The following CLCN6 variants were observed in gnomAD, a reference collection of about 807,000 sequenced individuals.
The protein encoded by CLCN6 is H(+)/Cl(-) exchange transporter 6.
A neutral mutation model predicts 109.8 loss-of-function variants in CLCN6; 70 were observed. The observed-to-expected ratio is 0.64, with a 90% CI of 0.53 to 0.78. CLCN6 has a LOEUF of 0.78. Among genes scored for constraint, CLCN6 ranks in the 30% least tolerant of loss-of-function variants. The probability of loss-of-function intolerance (pLI) is 0.00; values close to 1 mark genes in which losing one functional copy is unlikely to be tolerated. For missense variants in CLCN6, 984 were observed against 1,142.3 expected (o/e 0.86, Z 2.00); for synonymous variants, 444 against 447.8 (o/e 0.99, Z 0.11).
At position 11,808,652 on chromosome 1, in the gene CLCN6, T is replaced by C. The variant is rs187256900; in HGVS notation, c.147+1462T>C. Among the ~76,000 whole-genome samples, 386 of 151,448 alleles carry C rather than the reference T, an allele frequency of 2.5e-3. 3 individuals carry two copies. Among genetic ancestry groups the C allele is most frequent in the African/African-American group, 8.4e-3 (349 of 41,362 alleles). ...TTATTTGTTTGATAAATCTGTTAAATCTCTTTTAATCTGTAGCTTCTTCCT... is the reference window on the plus strand; with the variant it reads ...TTATTTGTTTGATAAATCTGTTAAACCTCTTTTAATCTGTAGCTTCTTCCT... On this transcript the variant is annotated intron_variant, in intron 2 of 22. Transcript: ENST00000346436.
At chr1:11,824,792 C>T (rs944112645) in intron 8 of CLCN6, among the ~76,000 whole-genome samples, 2 of 152,134 alleles carry the variant, frequency 1.3e-5, no homozygotes, top group South Asian at 2.1e-4. Context: ...TGTGACGTGG[C>T]GGATGAAAGT....
chr1:11,838,257 A>G (rs1570543658), intron 20 of CLCN6, 78 bp from the exon 21 acceptor site: 3 of 1,307,478 alleles, frequency 2.3e-6, no homozygotes, highest in East Asian at 2.4e-5. Flanking sequence ...ATATTCAGGC[A>G]TCAAGGGGAG....
intron 5 of CLCN6, among the ~76,000 whole-genome samples, chr1:11,821,356 A>G (rs571156144): frequency 2.6e-5 from 4 of 152,256 alleles, no homozygotes; most frequent in African/African-American, 9.6e-5. Context: ...TCAGGAGTTC[A>G]AGACCAGCCT....
At position 11,826,368 on chromosome 1, in the gene CLCN6, A is replaced by G. The variant is rs528845169; in HGVS notation, c.707+154A>G. The G allele has an allele frequency of 1.8e-4, 114 of 650,454 alleles. No individual in the cohort carries two copies. In the African/African-American group the frequency reaches 2.0e-3, roughly 11 times the overall value. 40.3% of individuals were successfully genotyped at this position (650,454 alleles called of 1,614,324 possible). A position where few individuals can be genotyped will look rare whatever the true frequency, so the allele number is the denominator to read the frequency against. On this transcript the variant is annotated intron_variant, in intron 9 of 22. Coordinates refer to ENST00000346436, the MANE Select transcript of CLCN6 (RefSeq NM_001286.5). The stretch of plus-strand genomic sequence containing the variant: ...GCTTTGAACTTTTCTTCTGGAAATA[A>G]GAAGCCAAAGCACCAGGCTGGCATC...
chr1:11,839,842 C>T (rs762275945), intron 22 of CLCN6, among the ~76,000 whole-genome samples: 35 of 152,196 alleles, frequency 2.3e-4, no homozygotes, highest in Admixed American at 1.4e-3. Context: ...AGGGCCCCAC[C>T]GCTTGCACAT....
intron 8 of CLCN6, 121 bp downstream of exon 8, chr1:11,824,674 A>C: frequency 3.1e-6 from 2 of 650,602 alleles, no homozygotes. Flanking sequence ...TTCTGGCTTC[A>C]CGTGTAAACC....
Position 11,822,688 on chromosome 1 carries a change from T to A in CLCN6, c.347-7T>A. 6.3e-7 allele frequency: 1 copy of A among 1,596,552 alleles called. No homozygotes were observed. On this transcript the variant is annotated splice_polypyrimidine_tract_variant and splice_region_variant and intron_variant, in intron 5 of 22. Coordinates refer to ENST00000346436, the MANE Select transcript of CLCN6 (RefSeq NM_001286.5). The stretch of plus-strand genomic sequence containing the variant: ...ATGAACAAGTTTCCTTAACCCAGTT[T>A]CCGCAGCGGTGGAGGAGTGCAGCCA...
chr1:11,822,218 A>T (rs1460673723), intron 5 of CLCN6, among the ~76,000 whole-genome samples: 1 of 152,042 alleles, frequency 6.6e-6, no homozygotes, highest in African/African-American at 2.4e-5. Context: ...TACTTTTTGT[A>T]ATGTTTGAAG....
At chr1:11,825,271 C>T (rs932637110) in intron 8 of CLCN6, among the ~76,000 whole-genome samples, 14 of 152,206 alleles carry the variant, frequency 9.2e-5, no homozygotes, top group African/African-American at 3.1e-4. Flanking sequence ...AAGATTCTTT[C>T]GTCCAGAGCT....
At position 11,834,486 on chromosome 1, in the gene CLCN6, G is replaced by A. The variant is rs1557432808; in HGVS notation, c.1689G>A (p.Val563=). 4 of 1,614,104 alleles carry A rather than the reference G, an allele frequency of 2.5e-6. No individual in the cohort carries two copies. The highest frequency in any genetic ancestry group is 3.4e-6 in the Non-Finnish European group (4 of 1,179,996). Residue 563 remains valine (V), a splice_region_variant and synonymous_variant, in exon 17 of 23, where the codon GTG becomes GTA. Transcript: ENST00000346436. The surrounding 1 kb of genome is among the most constrained non-coding windows in gnomAD (Gnocchi z 4.5). ...YGLPIMVTLM[V]AKWTGDFFNK... is the part of the protein sequence containing the mutation. ...TAGGTCTTTGCTTTGTGTTTCAGGTGGCCAAATGGACAGGGGACTTTTTCA... is the reference window on the plus strand; with the variant it reads ...TAGGTCTTTGCTTTGTGTTTCAGGTAGCCAAATGGACAGGGGACTTTTTCA...
intron 2 of CLCN6, among the ~76,000 whole-genome samples, chr1:11,814,920 C>A (rs1644649751): frequency 6.6e-6 from 1 of 151,840 alleles, no homozygotes; most frequent in Non-Finnish European, 1.5e-5. Context: ...GTAGTCCCAG[C>A]TACTCAGGAG....
intron 18 of CLCN6, 28 bp from the exon 19 acceptor site, chr1:11,836,971 C>T: frequency 6.2e-7 from 1 of 1,603,482 alleles, no homozygotes; most frequent in Non-Finnish European, 8.5e-7. Flanking sequence ...TGCCCATGCG[C>T]AGTAGCCTGT....
chr1:11,833,491 G>T, intron 13 of CLCN6, 24 bp from the exon 14 acceptor site: 1 of 1,612,538 alleles, frequency 6.2e-7, no homozygotes. Context: ...TCCTTGTACT[G>T]ATTTTCTGAT....
At chr1:11,825,477 C>T (rs1644800014) in intron 8 of CLCN6, among the ~76,000 whole-genome samples, 1 of 152,236 alleles carries the variant, frequency 6.6e-6, no homozygotes, top group East Asian at 1.9e-4. Context: ...TTCCGCGTCC[C>T]CTTCCCTCAG....
At position 11,823,590 on chromosome 1, in the gene CLCN6, C is replaced by T. The variant is rs1237194933; in HGVS notation, c.454-117C>T. 47 of 1,377,786 alleles carry T rather than the reference C, an allele frequency of 3.4e-5. No homozygotes were observed. In the Middle Eastern group the frequency reaches 1.8e-3, roughly 52 times the overall value. 85.3% of individuals were successfully genotyped at this position (1,377,786 alleles called of 1,614,324 possible). On this transcript the variant is annotated intron_variant, in intron 6 of 22. Coordinates refer to ENST00000346436, the MANE Select transcript of CLCN6 (RefSeq NM_001286.5). ...GTGGTTCTGCAAGCCCTCCAGGTGA[C>T]GCTCACGCTGCTAATGAAGGTGGCC... is the stretch of plus-strand genomic sequence containing the variant.
intron 2 of CLCN6, among the ~76,000 whole-genome samples, chr1:11,807,774 A>G (rs1439542408): frequency 6.6e-6 from 1 of 152,230 alleles, no homozygotes; most frequent in Non-Finnish European, 1.5e-5. Context: ...TCCATTCATT[A>G]AAAGATGACT....
intron 5 of CLCN6, chr1:11,820,382 T>C (rs1406102700): frequency 1.4e-6 from 1 of 716,548 alleles, no homozygotes. Flanking sequence ...GATGAAGATG[T>C]AAATATGCAG....
At position 11,836,112 on chromosome 1, in the gene CLCN6, A is replaced by G. The variant is rs1401547470; in HGVS notation, c.1939A>G (p.Met647Val). 1 of 1,613,838 alleles carries G rather than the reference A, an allele frequency of 6.2e-7. No homozygotes were observed. Among genetic ancestry groups the G allele is most frequent in the Non-Finnish European group, 8.5e-7 (1 of 1,179,950 alleles). ...TENRGNEKEFMKGNQLISNNI... is the reference protein window; with the variant it reads ...TENRGNEKEFVKGNQLISNNI... Reference sequence around the variant, plus strand: ...GAACCGCGGTAACGAGAAGGAGTTCATGAAGGGCAACCAGCTCATCAGCAA... The same window carrying G: ...GAACCGCGGTAACGAGAAGGAGTTCGTGAAGGGCAACCAGCTCATCAGCAA... Residue 647 changes from methionine to valine, a missense_variant, in exon 18 of 23, where the codon ATG becomes GTG. Met to Val is a conservative substitution (Grantham distance 21, BLOSUM62 1). Coordinates refer to ENST00000346436, the MANE Select transcript of CLCN6 (RefSeq NM_001286.5).
chr1:11,817,183 T>A (rs1298286352), intron 4 of CLCN6, among the ~76,000 whole-genome samples: 1 of 152,134 alleles, frequency 6.6e-6, no homozygotes, highest in Non-Finnish European at 1.5e-5. Context: ...GCCTCGACCT[T>A]CTGGGCTTGG....
Sources: allele counts gnomAD v4.1 joint callset (sites outside exome capture counted in the v4.1 genomes callset), GRCh38; gene constraint gnomAD v4.1.1; non-coding constraint Gnocchi (gnomAD v3.1); transcripts MANE v1.5; gene names NCBI Gene and HGNC (gene_info 2026-07-23, HGNC 2026-07-21).